The following ROBO1 variants were observed in gnomAD, a reference collection of about 807,000 sequenced individuals.
ROBO1 encodes the protein roundabout guidance receptor 1.
A neutral mutation model predicts 195.9 loss-of-function variants in ROBO1; 149 were observed. That is an observed-to-expected ratio of 0.76 (90% CI 0.67 to 0.87). The LOEUF (loss-of-function observed/expected upper bound fraction) is 0.87, where lower values mean the gene tolerates loss of function less well. Among genes scored for constraint, ROBO1 ranks in the 40% least tolerant of loss-of-function variants. The probability of loss-of-function intolerance (pLI) is 0.00; values close to 1 mark genes in which losing one functional copy is unlikely to be tolerated. For synonymous variants in ROBO1, 816 were observed against 733.2 expected (o/e 1.11, Z -1.82); for missense variants, 1,933 against 2,068.3 (o/e 0.93, Z 1.27).
At chr3:78,864,740 A>T (rs1167826657) in intron 4 of ROBO1, among the ~76,000 whole-genome samples, 2 of 151,958 alleles carry the variant, frequency 1.3e-5, no homozygotes, top group Admixed American at 1.3e-4. Context: ...ACATACATAC[A>T]CTATGTTCTT....
At chr3:79,052,883 A>G (rs559525867) in intron 3 of ROBO1, among the ~76,000 whole-genome samples, 2 of 152,166 alleles carry the variant, frequency 1.3e-5, no homozygotes, top group African/African-American at 2.4e-5. Context: ...TAGTCTGTGT[A>G]TGGTCCGGGT....
chr3:79,005,072 C>T (rs779167626), intron 3 of ROBO1, among the ~76,000 whole-genome samples: 17 of 152,066 alleles, frequency 1.1e-4, no homozygotes, highest in Non-Finnish European at 1.6e-4. Context: ...ACGAAGAATC[C>T]GTTATTATTG....
At chr3:78,884,866 CTGTGTGTG>C (rs376764608) in intron 4 of ROBO1, among the ~76,000 whole-genome samples, 1 of 147,182 alleles carries the variant, frequency 6.8e-6, no homozygotes. Context: ...CTCTCTCTTT[CTGTGTGTG>C]TGTGTGTGTG....
intron 2 of ROBO1, among the ~76,000 whole-genome samples, chr3:79,511,691 C>G (rs1193739389): frequency 6.6e-6 from 1 of 152,062 alleles, no homozygotes; most frequent in Non-Finnish European, 1.5e-5. Flanking sequence ...CAATGATAGA[C>G]TAAGTAAAGA....
At chr3:79,353,844 A>G (rs2035438620) in intron 2 of ROBO1, among the ~76,000 whole-genome samples, 2 of 152,100 alleles carry the variant, frequency 1.3e-5, no homozygotes, top group Admixed American at 6.5e-5. Context: ...CAGGAGTTCA[A>G]GACCAGCCTG....
chr3:79,041,122 T>C (rs2078480289), intron 3 of ROBO1, among the ~76,000 whole-genome samples: 2 of 152,184 alleles, frequency 1.3e-5, no homozygotes, highest in Non-Finnish European at 2.9e-5. Context: ...TGCCATTGCT[T>C]CCATCACTGT....
At chr3:79,752,450 T>C (rs148031477) in intron 1 of ROBO1, among the ~76,000 whole-genome samples, 5 of 152,160 alleles carry the variant, frequency 3.3e-5, no homozygotes, top group African/African-American at 1.2e-4. Flanking sequence ...GATGAGACAT[T>C]TTAAAAAATG....
intron 2 of ROBO1, among the ~76,000 whole-genome samples, chr3:79,579,137 T>C (rs911081544): frequency 2.6e-5 from 4 of 152,222 alleles, no homozygotes; most frequent in Non-Finnish European, 4.4e-5. Context: ...TTGACTGTGA[T>C]GTGATTACTT....
chr3:78,900,365 G>T (rs2037511254), intron 4 of ROBO1, among the ~76,000 whole-genome samples: 1 of 152,018 alleles, frequency 6.6e-6, no homozygotes, highest in Admixed American at 6.6e-5. Context: ...AAGAATAGGA[G>T]AATAGATTCA....
At position 79,618,390 on chromosome 3, in the gene ROBO1, T is replaced by G. The variant is rs140146828; in HGVS notation, c.-50-28429A>C. 4.2e-3 allele frequency among the ~76,000 whole-genome samples: 636 copies of G among 152,104 alleles called. 4 individuals carry two copies. The highest frequency in any genetic ancestry group is 6.0e-3 in the Admixed American group (91 of 15,282). On this transcript the variant is annotated intron_variant, in intron 1 of 30. Coordinates refer to ENST00000464233, the MANE Select transcript of ROBO1 (RefSeq NM_002941.4). ...TGAAGAACCACAAAAGAAGTGAAAA[T>G]AGCCAATTCCTGCCTGAACTGATGA...
chr3:79,354,581 T>C (rs1318944359), intron 2 of ROBO1, among the ~76,000 whole-genome samples: 2 of 152,152 alleles, frequency 1.3e-5, no homozygotes, highest in African/African-American at 2.4e-5. Flanking sequence ...CACTCAAATA[T>C]GTTGAGTGGC....
rs1702952515 is a variant in ROBO1, at chr3:78,598,208, C to CAGAG, written c.*701_*704dup. ...TTACTTATGACAATGACTAGACAAC[C>CAGAG]AGAGATCCAACTGGCTTAGCCCTAC... On this transcript the variant is annotated 3_prime_UTR_variant, in exon 31 of 31. Coordinates refer to ENST00000464233, the MANE Select transcript of ROBO1 (RefSeq NM_002941.4). The CAGAG allele has an allele frequency of 2.0e-5, 3 of 152,276 alleles. 1 individual carries two copies. The South Asian group carries it at 6.2e-4, about 32-fold the overall frequency. 9.4% of individuals were successfully genotyped at this position (152,276 alleles called of 1,614,324 possible). A position where few individuals can be genotyped will look rare whatever the true frequency, so the allele number is the denominator to read the frequency against.
At chr3:79,513,431 A>AC (rs1183744985) in intron 2 of ROBO1, among the ~76,000 whole-genome samples, 2 of 152,162 alleles carry the variant, frequency 1.3e-5, no homozygotes, top group African/African-American at 4.8e-5. Context: ...GGAAAAAAAA[A>AC]CTTTCAGATG....
chr3:79,183,462 A>G (rs1332191380), intron 2 of ROBO1, among the ~76,000 whole-genome samples: 1 of 152,248 alleles, frequency 6.6e-6, no homozygotes, highest in East Asian at 1.9e-4. Flanking sequence ...CCTCTTGAGG[A>G]ATGGAAAATG....
In ROBO1 at chr3:78,765,122, A is replaced by C. The variant is rs184279509; in HGVS notation, c.500-18222T>G. 4.6e-5 allele frequency among the ~76,000 whole-genome samples: 7 copies of C among 152,258 alleles called. No homozygotes were observed. In the East Asian group the frequency reaches 1.4e-3, roughly 29 times the overall value. ...AAGGTATTGCAAAGTTAAGAGGAGCACGTCACCATCAATTTTCATATGATA... is the reference window on the plus strand; with the variant it reads ...AAGGTATTGCAAAGTTAAGAGGAGCCCGTCACCATCAATTTTCATATGATA... On this transcript the variant is annotated intron_variant, in intron 4 of 30. Transcript: ENST00000464233.
chr3:79,109,959 G>T (rs994990574), intron 3 of ROBO1, among the ~76,000 whole-genome samples: 1 of 152,022 alleles, frequency 6.6e-6, no homozygotes, highest in African/African-American at 2.4e-5. Flanking sequence ...TGCTGACTTG[G>T]CAATTATTAA....
At chr3:79,354,022 G>A (rs1449510965) in intron 2 of ROBO1, among the ~76,000 whole-genome samples, 1 of 151,654 alleles carries the variant, frequency 6.6e-6, no homozygotes, top group African/African-American at 2.4e-5. Context: ...TCCAGCCTGG[G>A]CGACAGAGCG....
At chr3:79,724,009 T>G (rs1214091464) in intron 1 of ROBO1, among the ~76,000 whole-genome samples, 1 of 152,188 alleles carries the variant, frequency 6.6e-6, no homozygotes, top group East Asian at 1.9e-4. Flanking sequence ...TTCTAGTGAA[T>G]TGTACTAATA....
intron 8 of ROBO1, among the ~76,000 whole-genome samples, chr3:78,714,100 C>T (rs2081836780): frequency 1.3e-5 from 2 of 152,116 alleles, no homozygotes; most frequent in African/African-American, 4.8e-5. Context: ...TGTTTGAAGA[C>T]CTGGAGTTTA....
Sources: gnomAD v4.1 joint callset for allele counts (sites outside exome capture counted in the v4.1 genomes callset) on GRCh38, gnomAD v4.1.1 for gene constraint, MANE v1.5 for transcripts, NCBI Gene and HGNC (gene_info 2026-07-23, HGNC 2026-07-21) for gene names.